DOCK7: variants seen among roughly 807,000 people sequenced by gnomAD.
DOCK7 encodes the protein dedicator of cytokinesis 7.
DOCK7 carries 138 observed loss-of-function variants against 271.0 expected under a neutral mutation model. The ratio of observed to expected loss-of-function variants is 0.51; its 90% CI spans 0.44 to 0.59. The LOEUF (loss-of-function observed/expected upper bound fraction) is 0.59, where lower values mean the gene tolerates loss of function less well. Ranked by LOEUF, DOCK7 falls within the 20% of genes least tolerant of loss-of-function variation. DOCK7 has a pLI of 0.00. For synonymous variants in DOCK7, 823 were observed against 876.1 expected (o/e 0.94, Z 1.07); for missense variants, 2,066 against 2,592.4 (o/e 0.80, Z 4.41).
rs143944018 is a variant in DOCK7 at position 62,653,865 on chromosome 1, A to C, written c.321-72T>G. The C allele has an allele frequency of 2.8e-4, 405 of 1,469,530 alleles. 2 individuals are homozygous for C. In the African/African-American group the frequency reaches 5.1e-3, roughly 18 times the overall value. 91.0% of individuals were successfully genotyped at this position (1,469,530 alleles called of 1,614,324 possible). A position where few individuals can be genotyped will look rare whatever the true frequency, so the allele number is the denominator to read the frequency against. On this transcript the variant is annotated intron_variant, in intron 3 of 49. Transcript: ENST00000635253. The stretch of plus-strand genomic sequence containing the variant: ...TGATGTTCATTAATTTGGTTGCTAC[A>C]ATCGCTGTTTGCGTAACAGGAAATG...
In DOCK7 at chr1:62,618,690, A is replaced by T; in HGVS notation, c.1682+16T>A. On this transcript the variant is annotated intron_variant, in intron 14 of 49. Coordinates refer to ENST00000635253, the MANE Select transcript of DOCK7 (RefSeq NM_001367561.1). The stretch of plus-strand genomic sequence containing the variant: ...CAGTATCTTCTATCAGAATTCTCCA[A>T]ATTAAAATCTCTTACCTGTAAGTAG... 1 of 1,603,822 alleles carries T rather than the reference A, an allele frequency of 6.2e-7. No homozygotes were observed. The highest frequency in any genetic ancestry group is 1.1e-5 in the South Asian group (1 of 90,620).
intron 14 of DOCK7, chr1:62,597,607 T>C: frequency 7.4e-6 from 12 of 1,612,934 alleles, no homozygotes; most frequent in Non-Finnish European, 1.0e-5. Context: ...GTTCCTCTAG[T>C]TATTTCCTCC....
chr1:62,602,266 T>C (rs768908074), intron 14 of DOCK7: 1 of 1,570,286 alleles, frequency 6.4e-7, no homozygotes, highest in Non-Finnish European at 8.8e-7. Flanking sequence ...AAATACATGA[T>C]TTCATTCATT....
Position 62,525,340 on chromosome 1 carries a change from A to G in DOCK7, c.3936+2811T>C, listed in dbSNP as rs115755031. On this transcript the variant is annotated intron_variant, in intron 31 of 49. Coordinates refer to ENST00000635253, the MANE Select transcript of DOCK7 (RefSeq NM_001367561.1). ...GTAAAACTCTAAACAAAATTATGCAATTATATCATCAATCAGGACACTGAG... is the reference window on the plus strand; with the variant it reads ...GTAAAACTCTAAACAAAATTATGCAGTTATATCATCAATCAGGACACTGAG... Among the ~76,000 whole-genome samples, 942 of 152,164 alleles carry G rather than the reference A, an allele frequency of 6.2e-3. 13 individuals carry two copies. The highest frequency in any genetic ancestry group is 0.022 in the African/African-American group (905 of 41,532).
chr1:62,553,000 T>C lies in DOCK7; in HGVS notation c.2597-99A>G, dbSNP rs1262135938. ...ACTTTAGAAAATTCCACAAAGATCATGAATTGCTTTGGTTTCTAAATAAAA... is the reference window on the plus strand; with the variant it reads ...ACTTTAGAAAATTCCACAAAGATCACGAATTGCTTTGGTTTCTAAATAAAA... On this transcript the variant is annotated intron_variant, in intron 21 of 49. Coordinates refer to ENST00000635253, the MANE Select transcript of DOCK7 (RefSeq NM_001367561.1). The C allele has an allele frequency of 4.8e-6, 4 of 838,198 alleles. No homozygotes were observed. The African/African-American group carries it at 7.2e-5, about 15-fold the overall frequency. The allele number at this position is 838,198 out of a possible 1,614,324, so 51.9% of individuals were successfully genotyped here. A position where few individuals can be genotyped will look rare whatever the true frequency, so the allele number is the denominator to read the frequency against.
At chr1:62,637,637 A>G (rs1655442814) in intron 7 of DOCK7, among the ~76,000 whole-genome samples, 1 of 152,178 alleles carries the variant, frequency 6.6e-6, no homozygotes, top group Non-Finnish European at 1.5e-5. Flanking sequence ...AGAATCGAGG[A>G]CCTTGTAGAA....
At chr1:62,512,757 A>G (rs922274801) in intron 33 of DOCK7, among the ~76,000 whole-genome samples, 1 of 151,856 alleles carries the variant, frequency 6.6e-6, no homozygotes, top group Non-Finnish European at 1.5e-5. Context: ...TTACTTGGGC[A>G]TGGTGGCACA....
At chr1:62,582,539 G>A (rs1337113844) in intron 16 of DOCK7, among the ~76,000 whole-genome samples, 1 of 90,254 alleles carries the variant, frequency 1.1e-5, no homozygotes, top group Non-Finnish European at 1.9e-5. Context: ...GACAGAGCGA[G>A]ACTCCGTCTC....
intron 14 of DOCK7, chr1:62,604,369 C>T: frequency 9.0e-7 from 1 of 1,114,308 alleles, no homozygotes; most frequent in Non-Finnish European, 1.3e-6. Flanking sequence ...ACGAAAACCT[C>T]TTAACTATAA....
chr1:62,515,153 A>AG (rs1644623797), intron 31 of DOCK7, among the ~76,000 whole-genome samples: 1 of 151,682 alleles, frequency 6.6e-6, no homozygotes, highest in African/African-American at 2.4e-5. Context: ...AAAAAAAAAA[A>AG]CCTGACCACC....
At chr1:62,657,556 A>G (rs1335659888) in intron 2 of DOCK7, among the ~76,000 whole-genome samples, 2 of 152,230 alleles carry the variant, frequency 1.3e-5, no homozygotes, top group African/African-American at 4.8e-5. Context: ...TTAAAAAGAC[A>G]ACTTATAGAT....
At chr1:62,482,044 A>G (rs1646141886) in intron 43 of DOCK7, 1 of 152,220 alleles carries the variant, frequency 6.6e-6, no homozygotes, top group South Asian at 2.1e-4. Flanking sequence ...CAACTGGGAA[A>G]TATAAAACCT....
At chr1:62,651,944 G>C (rs1657432848) in intron 4 of DOCK7, among the ~76,000 whole-genome samples, 1 of 152,112 alleles carries the variant, frequency 6.6e-6, no homozygotes, top group African/African-American at 2.4e-5. Context: ...TGGTTGCAGG[G>C]AAAGGGCAGA....
chr1:62,647,676 GAAAT>G lies in DOCK7; in HGVS notation c.818+11_818+14del. ...TGGAAAATAAAAGTTGTAAGTAAAA[GAAAT>G]AAATACTCACTTGAGTGATAAGCAT... On this transcript the variant is annotated intron_variant, in intron 7 of 49. Transcript: ENST00000635253. 6.5e-7 allele frequency: 1 copy of G among 1,547,796 alleles called. No homozygotes were observed. Among genetic ancestry groups the G allele is most frequent in the Non-Finnish European group, 8.8e-7 (1 of 1,142,126 alleles).
intron 33 of DOCK7, 62 bp downstream of exon 33, chr1:62,513,382 T>C (rs975038438): frequency 1.8e-5 from 27 of 1,487,914 alleles, no homozygotes; most frequent in African/African-American, 9.9e-5. Flanking sequence ...AGGATTGACA[T>C]TGAAGACTAG....
chr1:62,663,190 T>C, intron 1 of DOCK7, 60 bp from the exon 2 acceptor site: 1 of 1,277,490 alleles, frequency 7.8e-7, no homozygotes, highest in East Asian at 2.3e-5. Flanking sequence ...TAAACTAGTT[T>C]AAAATGGAGG....
At position 62,507,982 on chromosome 1, in the gene DOCK7, T is replaced by C. The variant is rs1199446962; in HGVS notation, c.4456A>G (p.Thr1486Ala). The change falls in exon 35 of 50, where the codon ACA (threonine) becomes GCA (alanine). Residue 1486 changes from threonine to alanine, a missense_variant. Thr to Ala is a moderately conservative substitution (Grantham distance 58). This residue lies in a region of DOCK7 where 652 missense variants were observed against 922.1 expected (regional missense o/e 0.71). Transcript: ENST00000635253. ...ATEANLIILD[T>A]LEIVVQTVSV... ...CTTACCTGAACAACAATCTCTAATG[T>C]ATCTAAAATGATTAGGTTTGCTTCT... The C allele has an allele frequency of 2.5e-6, 4 of 1,612,270 alleles. No individual in the cohort carries two copies. The highest frequency in any genetic ancestry group is 2.5e-6 in the Non-Finnish European group (3 of 1,179,568).
intron 8 of DOCK7, chr1:62,635,591 G>T (rs1030080557): frequency 6.6e-6 from 1 of 151,308 alleles, no homozygotes; most frequent in Admixed American, 6.6e-5. Context: ...TCATTGAGAT[G>T]ATGGATTCCA....
intron 31 of DOCK7, among the ~76,000 whole-genome samples, chr1:62,524,794 A>C (rs1432949337): frequency 6.6e-6 from 1 of 150,944 alleles, no homozygotes; most frequent in East Asian, 2.0e-4. Context: ...GCTACTCGGG[A>C]GACTGAGACA....
Sources: gnomAD v4.1 joint callset for allele counts (sites outside exome capture counted in the v4.1 genomes callset) on GRCh38, gnomAD v4.1.1 for gene constraint, gnomAD v4.1.1 regional missense constraint, MANE v1.5 for transcripts, NCBI Gene and HGNC (gene_info 2026-07-23, HGNC 2026-07-21) for gene names.